The following IL1RAPL1 variants were observed in gnomAD, a reference collection of about 807,000 sequenced individuals.
IL1RAPL1 encodes the protein interleukin 1 receptor accessory protein like 1, also known as interleukin-1 receptor accessory protein-like 1.
A neutral mutation model predicts 48.4 loss-of-function variants in IL1RAPL1; 3 were observed. The observed-to-expected ratio is 0.06, with a 90% CI of 0.03 to 0.16. The LOEUF (loss-of-function observed/expected upper bound fraction) is 0.16. Ranked by LOEUF, IL1RAPL1 falls within the 10% of genes least tolerant of loss-of-function variation. IL1RAPL1 has a pLI of 1.00. For synonymous variants in IL1RAPL1, 185 were observed against 187.7 expected (o/e 0.99, Z 0.12); for missense variants, 349 against 530.6 (o/e 0.66, Z 3.36).
At chrX:29,051,442 G>A (rs944087830) in intron 2 of IL1RAPL1, among the ~76,000 whole-genome samples, 1 of 111,904 alleles carries the variant, frequency 8.9e-6, no homozygotes, top group Admixed American at 9.5e-5. Flanking sequence ...TAGAATGCTT[G>A]GAAAAGTGTT....
intron 5 of IL1RAPL1, among the ~76,000 whole-genome samples, chrX:29,597,513 G>T (rs960785851): frequency 1.8e-5 from 2 of 111,307 alleles, no homozygotes; most frequent in Non-Finnish European, 3.8e-5. Flanking sequence ...TTCTTTTTTT[G>T]TTATGTCCTT....
chrX:29,291,942 A>G (rs1932377330), intron 3 of IL1RAPL1, among the ~76,000 whole-genome samples: 3 of 112,117 alleles, frequency 2.7e-5, no homozygotes, highest in Non-Finnish European at 5.6e-5. Context: ...TTGCCTAGCT[A>G]GTCTTAGGGC....
intron 2 of IL1RAPL1, among the ~76,000 whole-genome samples, chrX:29,241,221 A>C (rs1931416878): frequency 8.9e-6 from 1 of 111,962 alleles, no homozygotes; most frequent in South Asian, 3.7e-4. Context: ...AGTGAATGAA[A>C]GAAATGGATT....
intron 6 of IL1RAPL1, among the ~76,000 whole-genome samples, chrX:29,817,881 C>G (rs990956073): frequency 9.0e-6 from 1 of 111,343 alleles, no homozygotes; most frequent in African/African-American, 3.3e-5. Flanking sequence ...TACAGCAGTC[C>G]CAGGCATCAT....
chrX:28,645,299 A>T (rs971575339), intron 1 of IL1RAPL1, among the ~76,000 whole-genome samples: 2 of 85,032 alleles, frequency 2.4e-5, no homozygotes, highest in Admixed American at 1.6e-4. Flanking sequence ...GTGGGCTGAG[A>T]TTGTGCCATT....
intron 2 of IL1RAPL1, among the ~76,000 whole-genome samples, chrX:28,865,274 C>T (rs2147304886): frequency 9.1e-6 from 1 of 110,377 alleles, no homozygotes; most frequent in East Asian, 2.9e-4. Context: ...CTCGTCTCTA[C>T]TAAAAATACA....
chrX:29,833,483 G>C (rs1253421744), intron 6 of IL1RAPL1, among the ~76,000 whole-genome samples: 2 of 110,900 alleles, frequency 1.8e-5, no homozygotes, highest in East Asian at 2.8e-4. Flanking sequence ...ACTTTCCCAA[G>C]GAGTCCCTGA....
chrX:29,188,258 AG>A (rs1483353895), intron 2 of IL1RAPL1, among the ~76,000 whole-genome samples: 4 of 111,944 alleles, frequency 3.6e-5, no homozygotes, highest in African/African-American at 1.3e-4. Context: ...CTGGCAGGAT[AG>A]GACTATATTT....
At chrX:29,915,442 G>A (rs978723695) in intron 6 of IL1RAPL1, among the ~76,000 whole-genome samples, 2 of 111,792 alleles carry the variant, frequency 1.8e-5, no homozygotes. Flanking sequence ...CTTAAACAAC[G>A]AACATAAGAG....
chrX:29,333,428 G>A (rs1398358191), intron 3 of IL1RAPL1, among the ~76,000 whole-genome samples: 25 of 87,004 alleles, frequency 2.9e-4, no homozygotes, highest in South Asian at 5.5e-4. Flanking sequence ...CCTCCCTCCC[G>A]GACGGGGCGG....
chrX:29,713,843 C>G (rs754668213), intron 6 of IL1RAPL1, among the ~76,000 whole-genome samples: 3 of 112,011 alleles, frequency 2.7e-5, no homozygotes, highest in Non-Finnish European at 5.6e-5. Context: ...TTTTAAATAG[C>G]ACAGTGTTGA....
At chrX:29,777,789 T>C (rs1467896869) in intron 6 of IL1RAPL1, among the ~76,000 whole-genome samples, 3 of 111,050 alleles carry the variant, frequency 2.7e-5, no homozygotes, top group Non-Finnish European at 5.7e-5. Context: ...TGATATTCAA[T>C]AAAATTGATA....
chrX:28,680,739 G>A (rs1450305591), intron 1 of IL1RAPL1, among the ~76,000 whole-genome samples: 2 of 111,905 alleles, frequency 1.8e-5, no homozygotes, highest in Non-Finnish European at 3.8e-5. Context: ...TTATCTTAGA[G>A]TCTGTTAATG....
At chrX:28,808,678 TA>T (rs1413074644) in intron 2 of IL1RAPL1, among the ~76,000 whole-genome samples, 1 of 111,335 alleles carries the variant, frequency 9.0e-6, no homozygotes, top group Non-Finnish European at 1.9e-5. Flanking sequence ...ATAAATAAGT[TA>T]AATATTTTTT....
intron 1 of IL1RAPL1, among the ~76,000 whole-genome samples, chrX:28,721,807 A>C (rs1219608927): frequency 1.8e-5 from 2 of 110,866 alleles, no homozygotes; most frequent in African/African-American, 3.3e-5. Flanking sequence ...TCAGCTTTCT[A>C]CATATGGCTA....
At chrX:29,379,256 G>C (rs1331297167) in intron 3 of IL1RAPL1, among the ~76,000 whole-genome samples, 1 of 112,475 alleles carries the variant, frequency 8.9e-6, no homozygotes, top group East Asian at 2.8e-4. Context: ...ATTCCTGTGT[G>C]GGGGAATGGG....
At chrX:29,547,929 C>T (rs1041633404) in intron 5 of IL1RAPL1, among the ~76,000 whole-genome samples, 3 of 112,509 alleles carry the variant, frequency 2.7e-5, no homozygotes, top group African/African-American at 9.7e-5. Flanking sequence ...CTGTGGGTGA[C>T]ATTCTTCTGA....
At chrX:28,961,036 A>AAAAT (rs1924761309) in intron 2 of IL1RAPL1, among the ~76,000 whole-genome samples, 1 of 106,133 alleles carries the variant, frequency 9.4e-6, no homozygotes, top group African/African-American at 3.4e-5. Flanking sequence ...AAAAAAAAAA[A>AAAAT]GTGTGGGTAA....
At chrX:28,607,745 T>G (rs1934102001) in intron 1 of IL1RAPL1, among the ~76,000 whole-genome samples, 1 of 110,658 alleles carries the variant, frequency 9.0e-6, no homozygotes, top group African/African-American at 3.3e-5. Flanking sequence ...TATTTCAGAA[T>G]AGTTACTGGT....
Sources: allele counts gnomAD v4.1 joint callset (sites outside exome capture counted in the v4.1 genomes callset), GRCh38; gene constraint gnomAD v4.1.1; transcripts MANE v1.5; gene names NCBI Gene and HGNC (gene_info 2026-07-23, HGNC 2026-07-21).